IPO8: variants seen among roughly 807,000 people sequenced by gnomAD.
IPO8 encodes importin-8.
IPO8 carries 65 observed loss-of-function variants against 141.2 expected under a neutral mutation model. The ratio of observed to expected loss-of-function variants is 0.46; its 90% CI spans 0.38 to 0.57. The LOEUF is 0.57. Ranked by LOEUF, IPO8 falls within the 20% of genes least tolerant of loss-of-function variation. IPO8 has a pLI of 0.00. For missense variants in IPO8, 980 were observed against 1,246.8 expected, an observed-to-expected ratio of 0.79 and a Z score of 3.22; for synonymous variants, 411 against 420.3, an observed-to-expected ratio of 0.98 and a Z score of 0.27.
chr12:30,677,642 G>A (rs1300189786), intron 5 of IPO8, among the ~76,000 whole-genome samples: 4 of 151,910 alleles, frequency 2.6e-5, no homozygotes, highest in African/African-American at 9.7e-5. Context: ...GGAAGACAGT[G>A]ATATTGATGA....
At chr12:30,667,820 T>G (rs1023557789) in intron 10 of IPO8, among the ~76,000 whole-genome samples, 1 of 152,218 alleles carries the variant, frequency 6.6e-6, no homozygotes, top group Non-Finnish European at 1.5e-5. Context: ...AATGGTAACT[T>G]TCTGAAAGCT....
At chr12:30,665,992 A>G in intron 11 of IPO8, 147 bp from the exon 12 acceptor site, 1 of 675,392 alleles carries the variant, frequency 1.5e-6, no homozygotes, top group East Asian at 2.8e-5. Context: ...AGTATAATTT[A>G]TTAAGAAAAC....
intron 19 of IPO8, among the ~76,000 whole-genome samples, chr12:30,650,297 C>T (rs1308440452): frequency 6.6e-6 from 1 of 151,976 alleles, no homozygotes; most frequent in Non-Finnish European, 1.5e-5. Context: ...ATTTCATTCT[C>T]TCCCAAAATG....
chr12:30,661,251 T>C lies in IPO8; in HGVS notation c.1771A>G (p.Lys591Glu). ...MTQHLAEIFG[K>E]VLQSDEYEEV... ...TCATATTCATCACTTTGAAGAACTT[T>C]GCCAAATATCTCAGCCTATGAAAAT... The change falls in exon 16 of 25, where the codon AAA (lysine) becomes GAA (glutamate). Residue 591 changes from lysine to glutamate, a missense_variant. Transcript: ENST00000256079. The C allele has an allele frequency of 6.3e-7, 1 of 1,593,802 alleles. No homozygotes were observed. The highest frequency in any genetic ancestry group is 8.5e-7 in the Non-Finnish European group (1 of 1,171,838).
At chr12:30,686,401 C>A (rs4930935) in intron 2 of IPO8, 98,607 of 152,192 alleles carry the variant, frequency 0.65, 33,328 homozygotes, top group African/African-American at 0.84. Context: ...AGGCTGGAGT[C>A]CAGGGGCACA....
At chr12:30,690,984 G>C (rs1045847609) in intron 1 of IPO8, among the ~76,000 whole-genome samples, 1 of 151,868 alleles carries the variant, frequency 6.6e-6, no homozygotes, top group Non-Finnish European at 1.5e-5. Flanking sequence ...CCTCTTTGTT[G>C]GCTGTTTTTT....
chr12:30,676,250 AAT>A, intron 6 of IPO8, among the ~76,000 whole-genome samples: 1 of 152,292 alleles, frequency 6.6e-6, no homozygotes, highest in Non-Finnish European at 1.5e-5. Context: ...TTATAAATTA[AAT>A]ATGTTGTATA....
intron 23 of IPO8, among the ~76,000 whole-genome samples, chr12:30,633,110 G>A (rs1226100871): frequency 6.6e-6 from 1 of 152,162 alleles, no homozygotes; most frequent in East Asian, 1.9e-4. Flanking sequence ...CCATGCTTTG[G>A]AATATAGTTT....
Position 30,695,549 on chromosome 12 carries a change from A to T in IPO8, c.84+15T>A. ...CCCTTCGGCGGAAGAGGGTCGCCGA[A>T]GACCCTCTCCTCACCTGGTTGAGCT... On this transcript the variant is annotated intron_variant, in intron 1 of 24. Coordinates refer to ENST00000256079, the MANE Select transcript of IPO8 (RefSeq NM_006390.4). This position sits in a 1 kb window ranked among gnomAD's most constrained non-coding sequence, Gnocchi z 4.2. The T allele has an allele frequency of 1.2e-6, 2 of 1,609,880 alleles. No homozygotes were observed. Among genetic ancestry groups the T allele is most frequent in the Non-Finnish European group, 1.7e-6 (2 of 1,176,750 alleles).
At chr12:30,667,006 T>A (rs2052976450) in intron 10 of IPO8, among the ~76,000 whole-genome samples, 1 of 152,208 alleles carries the variant, frequency 6.6e-6, no homozygotes, top group Non-Finnish European at 1.5e-5. Context: ...TTCACAAGTT[T>A]CAGAATAGGC....
chr12:30,649,151 T>C lies in IPO8; in HGVS notation c.2254A>G (p.Arg752Gly). 5 of 1,612,062 alleles carry C rather than the reference T, an allele frequency of 3.1e-6. No homozygotes were observed. The highest frequency in any genetic ancestry group is 1.1e-5 in the South Asian group (1 of 90,976). Residue 752 changes from arginine to glycine, a missense_variant, in exon 20 of 25, where the codon AGG becomes GGG. Around this residue, in one of 3 missense-constraint regions of IPO8, gnomAD observed 924 missense variants for 1,153.9 expected, o/e 0.80. Coordinates refer to ENST00000256079, the MANE Select transcript of IPO8 (RefSeq NM_006390.4). ...LEVIILQCKG[R>G]GIDQCIPLFV... ...ACATATATTACCTGATCAATTCCCC[T>C]TCCTTTGCACTGAAGAATGATGACT...
intron 17 of IPO8, among the ~76,000 whole-genome samples, chr12:30,654,081 T>C (rs1157818272): frequency 6.6e-6 from 1 of 151,954 alleles, no homozygotes; most frequent in African/African-American, 2.4e-5. Flanking sequence ...TCAACAAAGA[T>C]GCTAAAAACA....
At chr12:30,656,919 T>C (rs186243586) in intron 16 of IPO8, among the ~76,000 whole-genome samples, 169 bp from the exon 17 acceptor site, 9 of 152,090 alleles carry the variant, frequency 5.9e-5, no homozygotes, top group Middle Eastern at 3.4e-3. Context: ...TTTTGAAAAA[T>C]AGACTGACAG....
At chr12:30,684,510 T>G in intron 2 of IPO8, 53 bp from the exon 3 acceptor site, 1 of 1,572,316 alleles carries the variant, frequency 6.4e-7, no homozygotes, top group South Asian at 1.1e-5. Context: ...ATGGCTTTAA[T>G]TCAGCCTTAC....
chr12:30,679,952 G>A (rs1451625852), intron 5 of IPO8, among the ~76,000 whole-genome samples: 2 of 151,406 alleles, frequency 1.3e-5, no homozygotes, highest in Middle Eastern at 3.5e-3. Context: ...ATTTCTTTCC[G>A]GATTCCCATG....
Position 30,631,959 on chromosome 12 carries a change from G to A in IPO8, c.2952C>T (p.Ser984=), listed in dbSNP as rs746079753. 5.0e-5 allele frequency: 81 copies of A among 1,612,798 alleles called. No homozygotes were observed. Among genetic ancestry groups the A allele is most frequent in the Non-Finnish European group, 6.4e-5 (75 of 1,179,918 alleles). The change falls in exon 24 of 25, where the codon AGC becomes AGT. Residue 984 remains serine (S), a synonymous_variant. Coordinates refer to ENST00000256079, the MANE Select transcript of IPO8 (RefSeq NM_006390.4). The stretch of plus-strand genomic sequence containing the variant: ...CCTGCAGTGCTGTCCTCTGATCCTC[G>A]CTGAGTGGTGCCATCAGCAGCTGGT... ...AWYQLLMAPL[S]EDQRTALQEV...
intron 6 of IPO8, among the ~76,000 whole-genome samples, chr12:30,675,294 G>T (rs1408746446): frequency 2.0e-5 from 3 of 152,074 alleles, no homozygotes; most frequent in Non-Finnish European, 2.9e-5. Context: ...CTATCAAATG[G>T]ACAAACTTAG....
chr12:30,687,564 G>A (rs558107406), intron 2 of IPO8, among the ~76,000 whole-genome samples: 2 of 151,878 alleles, frequency 1.3e-5, no homozygotes, highest in Non-Finnish European at 2.9e-5. Flanking sequence ...GTTTTTCATT[G>A]TAATTTTGTA....
chr12:30,666,060 G>T, intron 11 of IPO8, 115 bp downstream of exon 11: 1 of 756,036 alleles, frequency 1.3e-6, no homozygotes, highest in Non-Finnish European at 2.1e-6. Flanking sequence ...AAATCCTTAA[G>T]GTGACAAATT....
Sources: allele counts gnomAD v4.1 joint callset (sites outside exome capture counted in the v4.1 genomes callset), GRCh38; gene constraint gnomAD v4.1.1; regional missense constraint gnomAD v4.1.1; non-coding constraint Gnocchi (gnomAD v3.1); transcripts MANE v1.5; gene names NCBI Gene and HGNC (gene_info 2026-07-23, HGNC 2026-07-21).